The following SH3RF3 variants were observed in gnomAD, a reference collection of about 807,000 sequenced individuals.
The protein encoded by SH3RF3 is E3 ubiquitin-protein ligase SH3RF3.
A neutral mutation model predicts 66.3 loss-of-function variants in SH3RF3; 29 were observed. The observed-to-expected ratio is 0.44, with a 90% CI of 0.33 to 0.60. The LOEUF (loss-of-function observed/expected upper bound fraction) is 0.60, where lower values mean the gene tolerates loss of function less well. Among genes scored for constraint, SH3RF3 ranks in the 20% least tolerant of loss-of-function variants. SH3RF3 has a pLI of 0.04. For synonymous variants in SH3RF3, 583 were observed against 532.0 expected (o/e 1.10, Z -1.32); for missense variants, 1,194 against 1,190.9 (o/e 1.00, Z -0.04).
intron 1 of SH3RF3, among the ~76,000 whole-genome samples, chr2:109,233,764 G>A (rs140853339): frequency 1.6e-4 from 25 of 152,278 alleles, no homozygotes; most frequent in Non-Finnish European, 2.5e-4. Flanking sequence ...TGTTCCTGCC[G>A]TTTTGCATTT....
At chr2:109,393,021 C>A (rs1676044646) in intron 3 of SH3RF3, among the ~76,000 whole-genome samples, 1 of 152,200 alleles carries the variant, frequency 6.6e-6, no homozygotes, top group African/African-American at 2.4e-5. Context: ...TTACAACTGG[C>A]AAGTGTTGAT....
intron 1 of SH3RF3, among the ~76,000 whole-genome samples, chr2:109,298,677 C>T (rs1356182374): frequency 6.6e-6 from 1 of 152,110 alleles, no homozygotes; most frequent in Non-Finnish European, 1.5e-5. Flanking sequence ...CAGGCCTTCC[C>T]TGGCTCCTGT....
At chr2:109,183,343 T>G (rs1678112045) in intron 1 of SH3RF3, among the ~76,000 whole-genome samples, 1 of 152,028 alleles carries the variant, frequency 6.6e-6, no homozygotes. Flanking sequence ...CTTTGCAAGG[T>G]GAGAGTCTAC....
rs370135970 is a variant in SH3RF3, at chr2:109,432,637, G to A, written c.1540G>A (p.Val514Met). Residue 514 changes from valine (V) to methionine (M), a missense_variant, in exon 6 of 10, where the codon GTG becomes ATG. Coordinates refer to ENST00000309415, the MANE Select transcript of SH3RF3 (RefSeq NM_001099289.3). The stretch of plus-strand genomic sequence containing the variant: ...GTCTCTGAGGACCGGGGTCTCTGGG[G>A]TGTTCCCCGGAAACTACGTGACACC... Reference protein sequence around the residue: ...GASLRTGVSGVFPGNYVTPVS... With the variant: ...GASLRTGVSGMFPGNYVTPVS... 4.3e-6 allele frequency: 7 copies of A among 1,612,906 alleles called. No individual in the cohort carries two copies. The highest frequency in any genetic ancestry group is 2.2e-5 in the South Asian group (2 of 90,690).
chr2:109,310,090 A>T, intron 1 of SH3RF3, among the ~76,000 whole-genome samples: 1 of 105,746 alleles, frequency 9.5e-6, no homozygotes, highest in African/African-American at 5.4e-5. Flanking sequence ...CATGGTTGGA[A>T]GTAAAGCTCT....
intron 1 of SH3RF3, among the ~76,000 whole-genome samples, chr2:109,285,755 A>C (rs544592698): frequency 6.6e-6 from 1 of 152,306 alleles, no homozygotes; most frequent in South Asian, 2.1e-4. Flanking sequence ...TGCCTTGTGG[A>C]ACCTGGATCC....
intron 1 of SH3RF3, among the ~76,000 whole-genome samples, chr2:109,216,550 C>G (rs1372848678): frequency 1.3e-5 from 2 of 152,174 alleles, no homozygotes; most frequent in African/African-American, 4.8e-5. Context: ...AGAAAGTCAG[C>G]AGAGAACACA....
intron 1 of SH3RF3, among the ~76,000 whole-genome samples, chr2:109,249,544 C>T (rs879761162): frequency 0.012 from 1,154 of 99,402 alleles, 13 homozygotes; most frequent in South Asian, 0.025. Context: ...TCCTTCCTTC[C>T]TTCCTTCCTT....
At chr2:109,378,694 T>C (rs1397610870) in intron 3 of SH3RF3, among the ~76,000 whole-genome samples, 4 of 152,204 alleles carry the variant, frequency 2.6e-5, no homozygotes, top group Non-Finnish European at 4.4e-5. Flanking sequence ...AGGGAAGCCT[T>C]TCATGTGGGG....
chr2:109,354,767 C>A (rs765199996), intron 2 of SH3RF3, among the ~76,000 whole-genome samples: 8 of 152,246 alleles, frequency 5.3e-5, no homozygotes, highest in Non-Finnish European at 1.2e-4. Flanking sequence ...AAAGGCGCAT[C>A]TGTGTCTGTG....
chr2:109,307,445 T>C (rs1188374960), intron 1 of SH3RF3, among the ~76,000 whole-genome samples: 2 of 151,486 alleles, frequency 1.3e-5, no homozygotes, highest in African/African-American at 2.4e-5. Flanking sequence ...TATTATACTT[T>C]AAGTTTTAGG....
intron 1 of SH3RF3, among the ~76,000 whole-genome samples, chr2:109,217,571 A>C (rs1205305869): frequency 6.6e-6 from 1 of 152,186 alleles, no homozygotes; most frequent in African/African-American, 2.4e-5. Context: ...ATTTTTCTCT[A>C]CCAGGACCTA....
chr2:109,477,613 GGTGTGTGTGT>G (rs71383845), intron 8 of SH3RF3, among the ~76,000 whole-genome samples: 23 of 149,352 alleles, frequency 1.5e-4, no homozygotes, highest in Non-Finnish European at 1.9e-4. Flanking sequence ...GCCACAGATG[GGTGTGTGTGT>G]GTGTGTGTGT....
chr2:109,169,466 C>T (rs191370021), intron 1 of SH3RF3, among the ~76,000 whole-genome samples: 31 of 152,034 alleles, frequency 2.0e-4, no homozygotes, highest in Non-Finnish European at 2.8e-4. Flanking sequence ...GTTGAATTGT[C>T]GGGGAGGAAG....
intron 1 of SH3RF3, among the ~76,000 whole-genome samples, chr2:109,278,241 A>T (rs958981985): frequency 1.3e-5 from 2 of 151,768 alleles, no homozygotes; most frequent in Admixed American, 1.3e-4. Context: ...TTTGTGGAGG[A>T]TGTTTCCCTG....
intron 1 of SH3RF3, among the ~76,000 whole-genome samples, chr2:109,304,110 AAAAG>A (rs1376954578): frequency 2.0e-5 from 3 of 152,042 alleles, no homozygotes; most frequent in South Asian, 2.1e-4. Flanking sequence ...TCAAAAAAAA[AAAAG>A]AAAGATCTAC....
At chr2:109,500,913 G>A (rs1679369413) in intron 9 of SH3RF3, among the ~76,000 whole-genome samples, 1 of 152,182 alleles carries the variant, frequency 6.6e-6, no homozygotes, top group African/African-American at 2.4e-5. Context: ...TCATACCACG[G>A]CACTCCAGCC....
At chr2:109,447,184 A>AAGAAAAC (rs1320884501) in intron 7 of SH3RF3, among the ~76,000 whole-genome samples, 3 of 151,590 alleles carry the variant, frequency 2.0e-5, no homozygotes, top group South Asian at 2.1e-4. Flanking sequence ...GAAAAAGAAA[A>AAGAAAAC]AGAAAACAGA....
At chr2:109,263,647 C>T (rs1680411034) in intron 1 of SH3RF3, among the ~76,000 whole-genome samples, 1 of 152,160 alleles carries the variant, frequency 6.6e-6, no homozygotes, top group South Asian at 2.1e-4. Context: ...GACAGTCTGT[C>T]AGTGGAGAGA....
Sources: gnomAD v4.1 joint callset for allele counts (sites outside exome capture counted in the v4.1 genomes callset) on GRCh38, gnomAD v4.1.1 for gene constraint, MANE v1.5 for transcripts, NCBI Gene and HGNC (gene_info 2026-07-23, HGNC 2026-07-21) for gene names.